ANKRD40: variants seen among roughly 807,000 people sequenced by gnomAD.
ANKRD40 encodes the protein ankyrin repeat domain 40, also known as ankyrin repeat domain-containing protein 40.
ANKRD40 carries 24 observed loss-of-function variants against 35.5 expected under a neutral mutation model. The ratio of observed to expected loss-of-function variants is 0.68; its 90% CI spans 0.49 to 0.95. The LOEUF (loss-of-function observed/expected upper bound fraction) is 0.95, where lower values mean the gene tolerates loss of function less well. Among genes scored for constraint, ANKRD40 ranks in the 40% least tolerant of loss-of-function variants. ANKRD40 has a pLI of 0.00. For missense variants in ANKRD40, 361 were observed against 436.0 expected, an observed-to-expected ratio of 0.83 and a Z score of 1.53; for synonymous variants, 147 against 173.5, an observed-to-expected ratio of 0.85 and a Z score of 1.20.
At chr17:50,701,735 C>CTTATAG (rs1968275506) in intron 1 of ANKRD40, among the ~76,000 whole-genome samples, 1 of 152,126 alleles carries the variant, frequency 6.6e-6, no homozygotes, top group Non-Finnish European at 1.5e-5. Flanking sequence ...CTCTTATAGC[C>CTTATAG]AAATACAGAA....
chr17:50,697,192 C>G, intron 3 of ANKRD40, 71 bp from the exon 4 acceptor site: 1 of 1,393,540 alleles, frequency 7.2e-7, no homozygotes, highest in Non-Finnish European at 9.8e-7. Context: ...AAGATCTTTT[C>G]CAGAAGATGG....
Position 50,699,296 on chromosome 17 carries a change from C to T in ANKRD40, c.778+103G>A, listed in dbSNP as rs60782058. The T allele has an allele frequency of 2.0e-3, 2,942 of 1,444,594 alleles. 38 individuals are homozygous for T. In the African/African-American group the frequency reaches 0.036, roughly 18 times the overall value. The allele number at this position is 1,444,594 out of a possible 1,614,324, so 89.5% of individuals were successfully genotyped here. A position where few individuals can be genotyped will look rare whatever the true frequency, so the allele number is the denominator to read the frequency against. On this transcript the variant is annotated intron_variant, in intron 3 of 4. Transcript: ENST00000285243. ...GGAGTTCCTTATGTTAGTCATGTAACGTTTCTGTAAGTTTGCAATTATACC... is the reference window on the plus strand; with the variant it reads ...GGAGTTCCTTATGTTAGTCATGTAATGTTTCTGTAAGTTTGCAATTATACC...
intron 3 of ANKRD40, among the ~76,000 whole-genome samples, chr17:50,698,693 G>GT (rs769146187): frequency 2.4e-4 from 36 of 152,148 alleles, no homozygotes; most frequent in Non-Finnish European, 4.6e-4. Context: ...TACTATTTCT[G>GT]TAATAGTACA....
chr17:50,704,515 CAA>C (rs892783050), intron 1 of ANKRD40, among the ~76,000 whole-genome samples: 36 of 40,196 alleles, frequency 9.0e-4, no homozygotes, highest in Middle Eastern at 0.011. Context: ...AACTCCATCT[CAA>C]AAAAAAAAAA....
intron 3 of ANKRD40, among the ~76,000 whole-genome samples, chr17:50,698,642 G>C (rs1368085987): frequency 6.6e-6 from 1 of 152,136 alleles, no homozygotes; most frequent in Non-Finnish European, 1.5e-5. Context: ...AGGGGGCAGA[G>C]GAGTACAGAT....
intron 3 of ANKRD40, 111 bp from the exon 4 acceptor site, chr17:50,697,232 A>G: frequency 2.8e-6 from 3 of 1,062,360 alleles, no homozygotes; most frequent in South Asian, 3.5e-5. Flanking sequence ...AGGTCTGTGC[A>G]TGATTAACAG....
At chr17:50,700,514 A>G in intron 2 of ANKRD40, 54 bp downstream of exon 2, 2 of 1,578,508 alleles carry the variant, frequency 1.3e-6, no homozygotes, top group Non-Finnish European at 1.7e-6. Context: ...CAATAATACC[A>G]CAAGTCTTCA....
In ANKRD40 at chr17:50,707,511, C is replaced by T. The variant is rs1171051242; in HGVS notation, c.134+10G>A. 1 of 1,604,340 alleles carries T rather than the reference C, an allele frequency of 6.2e-7. No individual in the cohort carries two copies. Among genetic ancestry groups the T allele is most frequent in the Non-Finnish European group, 8.5e-7 (1 of 1,175,198 alleles). On this transcript the variant is annotated intron_variant, in intron 1 of 4. Coordinates refer to ENST00000285243, the MANE Select transcript of ANKRD40 (RefSeq NM_052855.4). The surrounding 1 kb of genome is among the most constrained non-coding windows in gnomAD (Gnocchi z 4.8). The stretch of plus-strand genomic sequence containing the variant: ...GCCCTGACCCTAGGCCTCCCCCGCT[C>T]CCCACTTACCAGCCGTTGACCTCAT...
chr17:50,707,699 CCGCCCGGGGCCTGTCAGCGCCGCCGCCGT>C lies in ANKRD40; in HGVS notation c.-74_-46del. The C allele has an allele frequency of 7.9e-7, 1 of 1,272,882 alleles. No individual in the cohort carries two copies. The highest frequency in any genetic ancestry group is 9.9e-7 in the Non-Finnish European group (1 of 1,009,274). The allele number at this position is 1,272,882 out of a possible 1,614,324, so 78.8% of individuals were successfully genotyped here. On this transcript the variant is annotated 5_prime_UTR_variant, in exon 1 of 5. An upstream open reading frame in the 5' UTR loses its in-frame stop. Coordinates refer to ENST00000285243, the MANE Select transcript of ANKRD40 (RefSeq NM_052855.4). This position sits in a 1 kb window ranked among gnomAD's most constrained non-coding sequence, Gnocchi z 4.8. Reference sequence around the variant, plus strand: ...CCCGCCCAGGCCCGCCTGCCCCGCCCCGCCCGGGGCCTGTCAGCGCCGCCGCCGTCGCCGCGGCCCGCTCCCGGCCATGG... The same window carrying C: ...CCCGCCCAGGCCCGCCTGCCCCGCCCCGCCGCGGCCCGCTCCCGGCCATGG...
At chr17:50,704,853 G>A (rs1422514521) in intron 1 of ANKRD40, among the ~76,000 whole-genome samples, 2 of 152,112 alleles carry the variant, frequency 1.3e-5, no homozygotes, top group African/African-American at 4.8e-5. Flanking sequence ...GGTGGCTCAC[G>A]CCTGTAATCC....
In ANKRD40 at chr17:50,699,891, C is replaced by T. The variant is rs1198873817; in HGVS notation, c.286G>A (p.Glu96Lys). 2.7e-6 allele frequency: 4 copies of T among 1,505,466 alleles called. No homozygotes were observed. In the African/African-American group the frequency reaches 5.6e-5, roughly 21 times the overall value. 93.3% of individuals were successfully genotyped at this position (1,505,466 alleles called of 1,614,324 possible). A position where few individuals can be genotyped will look rare whatever the true frequency, so the allele number is the denominator to read the frequency against. Residue 96 changes from glutamate to lysine, a missense_variant and splice_region_variant, in exon 3 of 5, where the codon GAA (glutamate) becomes AAA (lysine). Around this residue, in one of 5 missense-constraint regions of ANKRD40, gnomAD observed 35 missense variants for 68.4 expected, o/e 0.51. Transcript: ENST00000285243. ...TCATCATCATCATCATCTTCTTCTT[C>T]CACTTAAAAAGAAGAAAACAGAACA... ...RREIRKIMGV[E>K]EEDDDDDDDD...
intron 1 of ANKRD40, among the ~76,000 whole-genome samples, chr17:50,704,705 G>A (rs1968310027): frequency 6.6e-6 from 1 of 152,114 alleles, no homozygotes; most frequent in Admixed American, 6.6e-5. Flanking sequence ...ACTGTGAAAA[G>A]TGAGGAAACA....
chr17:50,697,217 G>A, intron 3 of ANKRD40, 96 bp from the exon 4 acceptor site: 1 of 1,206,702 alleles, frequency 8.3e-7, no homozygotes, highest in Non-Finnish European at 1.1e-6. Flanking sequence ...ACTTAATCAT[G>A]CCAAAGGTCT....
Position 50,699,866 on chromosome 17 carries a change from T to C in ANKRD40, c.311A>G (p.Asp104Gly). ...GVEEEDDDDD[D>G]DDNLPQLKKE... Reference sequence around the variant, plus strand: ...CTTCAGCTGGGGGAGGTTGTCATCATCATCATCATCATCATCTTCTTCTTC... The same window carrying C: ...CTTCAGCTGGGGGAGGTTGTCATCACCATCATCATCATCATCTTCTTCTTC... Residue 104 changes from aspartate to glycine, a missense_variant, in exon 3 of 5, where the codon GAT becomes GGT. By Grantham distance (94) the Asp-to-Gly change is moderately conservative. This residue lies in a region of ANKRD40 where 172 missense variants were observed against 174.0 expected (regional missense o/e 0.99). Coordinates refer to ENST00000285243, the MANE Select transcript of ANKRD40 (RefSeq NM_052855.4). The C allele has an allele frequency of 6.6e-7, 1 of 1,512,392 alleles. No homozygotes were observed. The highest frequency in any genetic ancestry group is 1.4e-5 in the South Asian group (1 of 73,864). 93.7% of individuals were successfully genotyped at this position (1,512,392 alleles called of 1,614,324 possible).
intron 1 of ANKRD40, among the ~76,000 whole-genome samples, chr17:50,704,480 A>G (rs1432845341): frequency 1.4e-5 from 2 of 141,752 alleles, no homozygotes; most frequent in Non-Finnish European, 3.0e-5. Flanking sequence ...CACGCATTGC[A>G]CTCCAGCCTG....
intron 4 of ANKRD40, 57 bp downstream of exon 4, chr17:50,696,883 G>A (rs1968206927): frequency 2.0e-6 from 3 of 1,467,052 alleles, no homozygotes; most frequent in Admixed American, 2.2e-5. Context: ...AACCAAGGAG[G>A]GGGCTAGGTA....
At chr17:50,706,062 C>T (rs1403990096) in intron 1 of ANKRD40, among the ~76,000 whole-genome samples, 3 of 151,884 alleles carry the variant, frequency 2.0e-5, no homozygotes, top group Non-Finnish European at 2.9e-5. Context: ...TTGAGCCTCT[C>T]TCCATTGTCC....
chr17:50,699,816 G>C lies in ANKRD40; in HGVS notation c.361C>G (p.Pro121Ala). 6.4e-7 allele frequency: 1 copy of C among 1,566,994 alleles called. No homozygotes were observed. Among genetic ancestry groups the C allele is most frequent in the Non-Finnish European group, 8.7e-7 (1 of 1,155,484 alleles). The part of the protein sequence containing the change: ...LKKESELPFV[P>A]NYLANPAFPF... ...AAGGCTGGGTTGGCCAAATAGTTGGGAACAAAGGGCAGTTCTGACTCCTTC... is the reference window on the plus strand; with the variant it reads ...AAGGCTGGGTTGGCCAAATAGTTGGCAACAAAGGGCAGTTCTGACTCCTTC... Residue 121 changes from proline (P) to alanine (A), a missense_variant, in exon 3 of 5, where the codon CCC (proline) becomes GCC (alanine). Transcript: ENST00000285243.
At position 50,699,669 on chromosome 17, in the gene ANKRD40, G is replaced by C. The variant is rs754328094; in HGVS notation, c.508C>G (p.Pro170Ala). ...SPPLLPPGEP[P>A]LLGTFPRDHT... ...TCCCGGGGAAAGGTCCCTAACAGGGGAGGTTCCCCAGGGGGAAGCAATGGA... is the reference window on the plus strand; with the variant it reads ...TCCCGGGGAAAGGTCCCTAACAGGGCAGGTTCCCCAGGGGGAAGCAATGGA... Residue 170 changes from proline (P) to alanine (A), a missense_variant, in exon 3 of 5, where the codon CCC (proline) becomes GCC (alanine). Transcript: ENST00000285243. 1.8e-5 allele frequency: 29 copies of C among 1,614,120 alleles called. No individual in the cohort carries two copies. In the African/African-American group the frequency reaches 3.6e-4, roughly 20 times the overall value.
Sources: gnomAD v4.1 joint callset for allele counts (sites outside exome capture counted in the v4.1 genomes callset) on GRCh38, gnomAD v4.1.1 for gene constraint, gnomAD v4.1.1 regional missense constraint, Gnocchi (gnomAD v3.1) non-coding constraint, MANE v1.5 for transcripts, NCBI Gene and HGNC (gene_info 2026-07-23, HGNC 2026-07-21) for gene names.